IVD: variants seen among roughly 807,000 people sequenced by gnomAD.
The protein encoded by IVD is isovaleryl-CoA dehydrogenase.
IVD carries 31 observed loss-of-function variants against 51.3 expected under a neutral mutation model. The ratio of observed to expected loss-of-function variants is 0.60; its 90% CI spans 0.45 to 0.81. The LOEUF is 0.81. Among genes scored for constraint, IVD ranks in the 40% least tolerant of loss-of-function variants. IVD has a pLI of 0.00. For synonymous variants in IVD, 205 were observed against 219.4 expected (o/e 0.93, Z 0.58); for missense variants, 475 against 552.0 (o/e 0.86, Z 1.40).
chr15:40,416,489 G>T (rs563729989), intron 11 of IVD, 127 bp downstream of exon 11: 126 of 828,044 alleles, frequency 1.5e-4, no homozygotes, highest in Admixed American at 4.6e-4. Flanking sequence ...GGAGGCCGAG[G>T]TAGGCAGATC....
At position 40,411,603 on chromosome 15, in the gene IVD, C is replaced by T; in HGVS notation, c.599C>T (p.Pro200Leu). 1 of 1,614,214 alleles carries T rather than the reference C, an allele frequency of 6.2e-7. No homozygotes were observed. Among genetic ancestry groups the T allele is most frequent in the Non-Finnish European group, 8.5e-7 (1 of 1,180,022 alleles). Reference protein sequence around the residue: ...NGNKFWITNGPDADVLIVYAK... With the variant: ...NGNKFWITNGLDADVLIVYAK... ...AACAAGTTCTGGATCACTAATGGCCCTGATGCTGACGTCCTGATTGTCTAT... is the reference window on the plus strand; with the variant it reads ...AACAAGTTCTGGATCACTAATGGCCTTGATGCTGACGTCCTGATTGTCTAT... The change falls in exon 6 of 12, where the codon CCT becomes CTT. Residue 200 changes from proline (P) to leucine (L), a missense_variant. Physicochemically the swap from Pro to Leu is moderately conservative, Grantham distance 98. Transcript: ENST00000487418.
intron 7 of IVD, among the ~76,000 whole-genome samples, chr15:40,431,812 C>T (rs1297647693): frequency 6.6e-6 from 1 of 152,072 alleles, no homozygotes; most frequent in Admixed American, 6.6e-5. Flanking sequence ...ATGAAAAAGG[C>T]AATTGCTGAT....
chr15:40,415,462 CA>C lies in IVD; in HGVS notation c.941del (p.Gln314ArgfsTer8). 6.2e-7 allele frequency: 1 copy of C among 1,614,158 alleles called. No homozygotes were observed. Among genetic ancestry groups the C allele is most frequent in the Non-Finnish European group, 8.5e-7 (1 of 1,180,002 alleles). On this transcript the variant is annotated frameshift_variant, in exon 9 of 12. Transcript: ENST00000487418. LOFTEE classifies it high-confidence loss of function. Reference protein sequence around the residue: ...PYLHVREAFGQKIGHFQLMQG... With the variant: ...PYLHVREAFGXKIGHFQLMQG... ...CCTGCACGTGAGGGAAGCCTTTGGC[CA>C]GAAGATCGGCCACTTCCAGGTGAGC... is the stretch of plus-strand genomic sequence containing the variant.
downstream of IVD, among the ~76,000 whole-genome samples, chr15:40,424,796 C>T (rs1020320900): frequency 2.6e-5 from 4 of 152,220 alleles, no homozygotes; most frequent in African/African-American, 7.2e-5. Flanking sequence ...TCTTTGAGGT[C>T]AAAGACCCTC....
intron 11 of IVD, 115 bp from the exon 12 acceptor site, chr15:40,418,015 C>T: frequency 6.8e-7 from 1 of 1,475,866 alleles, no homozygotes. Context: ...CCTTTTGCTG[C>T]TTTTCTTTAA....
intron 8 of IVD, 43 bp from the exon 9 acceptor site, chr15:40,415,357 GT>G (rs941878883): frequency 6.5e-7 from 1 of 1,538,638 alleles, no homozygotes; most frequent in African/African-American, 1.4e-5. Context: ...ACACCCGGTG[GT>G]GGGATGAGGA....
chr15:40,411,445 G>C, intron 5 of IVD, 92 bp downstream of exon 5: 3 of 1,599,856 alleles, frequency 1.9e-6, no homozygotes, highest in Non-Finnish European at 2.6e-6. Flanking sequence ...CCCCTGCTGG[G>C]TTTCCAGAAC....
intron 6 of IVD, chr15:40,412,694 G>T: frequency 2.4e-6 from 1 of 414,606 alleles, no homozygotes; most frequent in South Asian, 2.1e-5. Flanking sequence ...TGTCCCCTGG[G>T]GGAGGGAAAT....
At chr15:40,432,230 C>CA (rs1458313677) in intron 7 of IVD, among the ~76,000 whole-genome samples, 2 of 152,204 alleles carry the variant, frequency 1.3e-5, no homozygotes, top group African/African-American at 4.8e-5. Flanking sequence ...AGGTGTGAGC[C>CA]ACTGCGCCTG....
At chr15:40,431,182 C>T (rs1687116770) in intron 7 of IVD, among the ~76,000 whole-genome samples, 1 of 148,830 alleles carries the variant, frequency 6.7e-6, no homozygotes, top group Admixed American at 6.7e-5. Flanking sequence ...CGGGGTCTCG[C>T]TTTATTGCCC....
rs1167040128 is a variant in IVD, at chr15:40,411,156, C to T, written c.457-104C>T. 1.6e-5 allele frequency: 18 copies of T among 1,120,562 alleles called. No individual in the cohort carries two copies. The South Asian group carries it at 1.6e-4, about 10-fold the overall frequency. The allele number at this position is 1,120,562 out of a possible 1,614,324, so 69.4% of individuals were successfully genotyped here. On this transcript the variant is annotated intron_variant, in intron 4 of 11. Coordinates refer to ENST00000487418, the MANE Select transcript of IVD (RefSeq NM_002225.5). The stretch of plus-strand genomic sequence containing the variant: ...CTTTACCGACACCCTGGTCTGAGAG[C>T]GAAGTTTGAAGGGGTTTAATGTGGA...
chr15:40,433,015 C>T (rs1288249307), intron 7 of IVD, among the ~76,000 whole-genome samples: 1 of 152,214 alleles, frequency 6.6e-6, no homozygotes, highest in African/African-American at 2.4e-5. Context: ...TCTGGGGGCA[C>T]TTGTGGCTAC....
In IVD at chr15:40,411,670, C is replaced by T. The variant is rs772662373; in HGVS notation, c.666C>T (p.Ile222=). Residue 222 remains isoleucine (I), a synonymous_variant, in exon 6 of 12, where the codon ATC becomes ATT. Coordinates refer to ENST00000487418, the MANE Select transcript of IVD (RefSeq NM_002225.5). ...DLAAVPASRG[I]TAFIVEKGMP... Reference sequence around the variant, plus strand: ...CTGCTGTGCCAGCTTCTCGGGGCATCACAGCCTTCATTGTGGAGAAGGTGA... The same window carrying T: ...CTGCTGTGCCAGCTTCTCGGGGCATTACAGCCTTCATTGTGGAGAAGGTGA... The T allele has an allele frequency of 2.5e-6, 4 of 1,614,206 alleles. No homozygotes were observed. The South Asian group carries it at 4.4e-5, about 18-fold the overall frequency.
At chr15:40,415,149 T>C (rs1397124575) in intron 8 of IVD, 167 bp downstream of exon 8, 7 of 831,002 alleles carry the variant, frequency 8.4e-6, no homozygotes, top group Non-Finnish European at 1.1e-5. Context: ...TTGAATTTCT[T>C]CCCACAGTGG....
rs1398267919 is a variant in IVD, at chr15:40,418,932, A to G, written c.*669A>G. ...TGGATCACCTGAGGTCAGGAGTTCA[A>G]GACCAGCCTGGCCAACATGTGGAAA... is the stretch of plus-strand genomic sequence containing the variant. On this transcript the variant is annotated 3_prime_UTR_variant, in exon 12 of 12. Transcript: ENST00000487418. 9 of 507,120 alleles carry G rather than the reference A, an allele frequency of 1.8e-5. No homozygotes were observed. Among genetic ancestry groups the G allele is most frequent in the Non-Finnish European group, 2.5e-5 (8 of 321,686 alleles). The allele number at this position is 507,120 out of a possible 1,614,324, so 31.4% of individuals were successfully genotyped here.
At chr15:40,406,771 G>A (rs566849158) in intron 1 of IVD, among the ~76,000 whole-genome samples, 12 of 152,280 alleles carry the variant, frequency 7.9e-5, no homozygotes, top group South Asian at 2.1e-4. Context: ...TATAGCCAGC[G>A]AGCGCTCAGA....
At chr15:40,412,672 T>C (rs1891204297) in intron 6 of IVD, 1 of 382,820 alleles carries the variant, frequency 2.6e-6, no homozygotes, top group Admixed American at 3.7e-5. Context: ...GGTGACAGTG[T>C]CTTGGAAGTA....
At chr15:40,417,378 C>G (rs907149329) in intron 11 of IVD, among the ~76,000 whole-genome samples, 1 of 150,198 alleles carries the variant, frequency 6.7e-6, no homozygotes, top group African/African-American at 2.5e-5. Flanking sequence ...TGCAGTGGTG[C>G]GCGCCTGTAA....
At chr15:40,427,857 G>T (rs2141419678), downstream of IVD, among the ~76,000 whole-genome samples, 1 of 152,170 alleles carries the variant, frequency 6.6e-6, no homozygotes, top group South Asian at 2.1e-4. Context: ...AGAGTGGAAG[G>T]GTGGGAGTCA....
Sources: allele counts gnomAD v4.1 joint callset (sites outside exome capture counted in the v4.1 genomes callset), GRCh38; gene constraint gnomAD v4.1.1; transcripts MANE v1.5; gene names NCBI Gene and HGNC (gene_info 2026-07-23, HGNC 2026-07-21).